Variants in DOP1A observed in about 807,000 individuals in gnomAD.
The protein encoded by DOP1A is DOP1 leucine zipper like protein A, also known as protein DOP1A.
A neutral mutation model predicts 267.6 loss-of-function variants in DOP1A; 90 were observed. That is an observed-to-expected ratio of 0.34 (90% CI 0.28 to 0.40). DOP1A has a LOEUF of 0.40. DOP1A is among the 10% of genes least tolerant of loss of function. The pLI is 1.00. For missense variants in DOP1A, 2,437 were observed against 2,900.4 expected, an observed-to-expected ratio of 0.84 and a Z score of 3.67; for synonymous variants, 932 against 999.1, an observed-to-expected ratio of 0.93 and a Z score of 1.27.
intron 30 of DOP1A, chr6:83,153,282 A>G (rs969388362): frequency 2.6e-5 from 8 of 307,798 alleles, no homozygotes; most frequent in Non-Finnish European, 2.9e-5. Context: ...GTACTTCCCT[A>G]TCTCAGTTGG....
rs1357216481 is a variant in DOP1A, at chr6:83,168,183, C to G, written c.*16C>G. On this transcript the variant is annotated 3_prime_UTR_variant, in exon 39 of 39. Transcript: ENST00000349129. ...AAAAACTTGAGCACCATTGCTGGTT[C>G]CATTTAGCTTACATGTAAATGTAAT... is the stretch of plus-strand genomic sequence containing the variant. The G allele has an allele frequency of 6.2e-7, 1 of 1,601,442 alleles. No homozygotes were observed. The highest frequency in any genetic ancestry group is 1.7e-5 in the Admixed American group (1 of 58,116).
chr6:83,095,543 G>C lies in DOP1A; in HGVS notation c.-146-1188G>C, dbSNP rs538571777. ...CTAGAGAAAGGTACCAAGTTAGTTAGAAGTCAGTTAGGATACCAGAAAAAT... is the reference window on the plus strand; with the variant it reads ...CTAGAGAAAGGTACCAAGTTAGTTACAAGTCAGTTAGGATACCAGAAAAAT... On this transcript the variant is annotated intron_variant, in intron 1 of 38. Transcript: ENST00000349129. 2.6e-5 allele frequency among the ~76,000 whole-genome samples: 4 copies of C among 152,242 alleles called. No homozygotes were observed. The East Asian group carries it at 7.7e-4, about 29-fold the overall frequency.
chr6:83,169,901 A>C (rs1249288550), downstream of DOP1A: 1 of 421,878 alleles, frequency 2.4e-6, no homozygotes, highest in East Asian at 7.0e-5. Flanking sequence ...TTGAAAAACA[A>C]ATCAAGAGTC....
In DOP1A at chr6:83,122,982, G is replaced by T; in HGVS notation, c.1340G>T (p.Arg447Met). ...YVARWFEECC[R>M]RTLHVRLQIG... is the part of the protein sequence containing the mutation. ...GCACGCTGGTTTGAAGAATGTTGTAGGTATGTTAAACTTTCATTCCTTTTA... is the reference window on the plus strand; with the variant it reads ...GCACGCTGGTTTGAAGAATGTTGTATGTATGTTAAACTTTCATTCCTTTTA... Residue 447 changes from arginine to methionine, a missense_variant and splice_region_variant, in exon 12 of 39, where the codon AGG becomes ATG. Arg to Met is a moderately conservative substitution (Grantham distance 91). Coordinates refer to ENST00000349129, the MANE Select transcript of DOP1A (RefSeq NM_015018.4). 6.3e-7 allele frequency: 1 copy of T among 1,575,780 alleles called. No individual in the cohort carries two copies. The highest frequency in any genetic ancestry group is 1.9e-5 in the Admixed American group (1 of 51,608).
intron 30 of DOP1A, 50 bp from the exon 31 acceptor site, chr6:83,153,461 G>A (rs908202166): frequency 3.3e-6 from 4 of 1,201,554 alleles, no homozygotes; most frequent in Admixed American, 2.3e-5. Flanking sequence ...ACCTTGGGAT[G>A]ATGTCAGTTT....
intron 31 of DOP1A, 69 bp downstream of exon 31, chr6:83,153,689 A>T: frequency 7.7e-7 from 1 of 1,306,994 alleles, no homozygotes; most frequent in Admixed American, 2.4e-5. Flanking sequence ...CTGTTCCCTT[A>T]TTGCCATTTC....
Position 83,079,762 on chromosome 6 carries a change from C to T in DOP1A, c.-147+11983C>T, listed in dbSNP as rs1767760747. ...GTTTTAGCATATGTAAAAGTTTAAG[C>T]AAAATCATTGTCATTAAATGAAGAA... On this transcript the variant is annotated intron_variant, in intron 1 of 38. Coordinates refer to ENST00000349129, the MANE Select transcript of DOP1A (RefSeq NM_015018.4). Among the ~76,000 whole-genome samples, 3 of 151,946 alleles carry T rather than the reference C, an allele frequency of 2.0e-5. No homozygotes were observed. The South Asian group carries it at 6.2e-4, about 32-fold the overall frequency.
chr6:83,147,581 A>G (rs183060379), intron 26 of DOP1A, among the ~76,000 whole-genome samples: 136 of 152,324 alleles, frequency 8.9e-4, no homozygotes, highest in Non-Finnish European at 1.8e-3. Context: ...TGCTTTTTTA[A>G]TGTTAGGAAT....
intron 1 of DOP1A, among the ~76,000 whole-genome samples, chr6:83,085,050 C>T (rs1211302379): frequency 6.6e-6 from 1 of 152,106 alleles, no homozygotes; most frequent in East Asian, 1.9e-4. Context: ...TTTTTTAAAG[C>T]ACTTAATAGC....
chr6:83,129,260 C>A lies in DOP1A; in HGVS notation c.2093C>A (p.Ser698Tyr), dbSNP rs779826196. ...LINLYIIQNN[S>Y]FSQSLATEHQ... is the part of the protein sequence containing the mutation. ...AACCTCTACATCATTCAGAATAACT[C>A]TTTTTCTCAGTCTTTGGCTACAGAA... The change falls in exon 16 of 39, where the codon TCT becomes TAT. Residue 698 changes from serine to tyrosine, a missense_variant. Physicochemically the swap from Ser to Tyr is moderately radical, Grantham distance 144. This residue lies in a region of DOP1A where 498 missense variants were observed against 513.5 expected (regional missense o/e 0.97). Transcript: ENST00000349129. 6.2e-7 allele frequency: 1 copy of A among 1,612,890 alleles called. No homozygotes were observed. Among genetic ancestry groups the A allele is most frequent in the Admixed American group, 1.7e-5 (1 of 59,856 alleles).
rs559267031 is a variant in DOP1A at position 83,086,641 on chromosome 6, G to A, written c.-146-10090G>A. ...AAGAGTCCCGGAAGCCAAAAACAAG[G>A]TATTGAATACTGCTGAGTTGAATAA... On this transcript the variant is annotated intron_variant, in intron 1 of 38. Coordinates refer to ENST00000349129, the MANE Select transcript of DOP1A (RefSeq NM_015018.4). 2.0e-5 allele frequency among the ~76,000 whole-genome samples: 3 copies of A among 152,276 alleles called. No individual in the cohort carries two copies. The South Asian group carries it at 6.2e-4, about 32-fold the overall frequency.
chr6:83,085,792 T>C, intron 1 of DOP1A, among the ~76,000 whole-genome samples: 1 of 144,792 alleles, frequency 6.9e-6, no homozygotes, highest in South Asian at 2.3e-4. Context: ...TGTTATGTTA[T>C]GTTATGTTAT....
intron 10 of DOP1A, among the ~76,000 whole-genome samples, 200 bp downstream of exon 10, chr6:83,120,991 G>A (rs1215333921): frequency 6.6e-6 from 1 of 151,792 alleles, no homozygotes. Flanking sequence ...TCTGTCTTGT[G>A]GTATGTATGT....
rs547476557 is a variant in DOP1A at position 83,071,208 on chromosome 6, A to G, written c.-147+3429A>G. ...TCAGAGGAACTGAAAGAGAATGAAG[A>G]GGAAGTAACCTTTTTTTTTTTGAAA... On this transcript the variant is annotated intron_variant, in intron 1 of 38. Transcript: ENST00000349129. 2.6e-5 allele frequency among the ~76,000 whole-genome samples: 4 copies of G among 152,158 alleles called. No individual in the cohort carries two copies. The East Asian group carries it at 7.7e-4, about 29-fold the overall frequency.
intron 18 of DOP1A, among the ~76,000 whole-genome samples, chr6:83,132,740 G>C (rs993213927): frequency 3.9e-5 from 6 of 152,004 alleles, no homozygotes; most frequent in Non-Finnish European, 7.4e-5. Context: ...GCCATAGAAT[G>C]CTAATATGTG....
intron 23 of DOP1A, among the ~76,000 whole-genome samples, chr6:83,141,075 CAG>C (rs1340939725): frequency 6.6e-6 from 1 of 151,984 alleles, no homozygotes; most frequent in African/African-American, 2.4e-5. Flanking sequence ...GCAGAAAAAA[CAG>C]AGATCCTAAA....
chr6:83,133,249 A>C (rs1303183520), intron 18 of DOP1A, among the ~76,000 whole-genome samples: 1 of 152,184 alleles, frequency 6.6e-6, no homozygotes, highest in Non-Finnish European at 1.5e-5. Flanking sequence ...TCTAGGACAA[A>C]TATATGCCTG....
chr6:83,169,860 C>G, downstream of DOP1A: 1 of 440,450 alleles, frequency 2.3e-6, no homozygotes, highest in South Asian at 1.6e-5. Flanking sequence ...GAAACAGGCA[C>G]AGAGTAAGGC....
chr6:83,130,222 T>C lies in DOP1A; in HGVS notation c.2441T>C (p.Val814Ala), dbSNP rs1257562408. 6.2e-7 allele frequency: 1 copy of C among 1,613,934 alleles called. No homozygotes were observed. Among genetic ancestry groups the C allele is most frequent in the African/African-American group, 1.3e-5 (1 of 74,914 alleles). ...FSVQSVAISL[V>A]MDLVGLTQSV... ...GTTCAGAGTGTTGCTATTTCACTAGTTATGGACCTGGTGGGACTGACACAG... is the reference window on the plus strand; with the variant it reads ...GTTCAGAGTGTTGCTATTTCACTAGCTATGGACCTGGTGGGACTGACACAG... The change falls in exon 17 of 39, where the codon GTT becomes GCT. Residue 814 changes from valine (V) to alanine (A), a missense_variant. Physicochemically the swap from Val to Ala is moderately conservative, Grantham distance 64. Around this residue, in one of 9 missense-constraint regions of DOP1A, gnomAD observed 878 missense variants for 992.9 expected, o/e 0.88. Coordinates refer to ENST00000349129, the MANE Select transcript of DOP1A (RefSeq NM_015018.4).
Sources: allele counts gnomAD v4.1 joint callset (sites outside exome capture counted in the v4.1 genomes callset), GRCh38; gene constraint gnomAD v4.1.1; regional missense constraint gnomAD v4.1.1; transcripts MANE v1.5; gene names NCBI Gene and HGNC (gene_info 2026-07-23, HGNC 2026-07-21).